The following C12orf50 variants were observed in gnomAD, a reference collection of about 807,000 sequenced individuals.
C12orf50 encodes the protein uncharacterized protein C12orf50.
A neutral mutation model predicts 61.6 loss-of-function variants in C12orf50; 35 were observed. That is an observed-to-expected ratio of 0.57 (90% CI 0.43 to 0.75). The LOEUF (loss-of-function observed/expected upper bound fraction) is 0.75, where lower values mean the gene tolerates loss of function less well. Ranked by LOEUF, C12orf50 falls within the 30% of genes least tolerant of loss-of-function variation. The probability of loss-of-function intolerance (pLI) is 0.00; values close to 1 mark genes in which losing one functional copy is unlikely to be tolerated. For synonymous variants in C12orf50, 178 were observed against 161.5 expected, an observed-to-expected ratio of 1.10 and a Z score of -0.77; for missense variants, 475 against 488.5, an observed-to-expected ratio of 0.97 and a Z score of 0.26.
intron 3 of C12orf50, among the ~76,000 whole-genome samples, chr12:88,000,286 C>A (rs947996764): frequency 3.9e-5 from 6 of 152,008 alleles, no homozygotes; most frequent in Admixed American, 6.5e-5. Flanking sequence ...AAATACTATT[C>A]TTTTCCCCAT....
intron 4 of C12orf50, among the ~76,000 whole-genome samples, 192 bp from the exon 5 acceptor site, chr12:87,996,838 A>G (rs7131735): frequency 6.6e-6 from 1 of 152,198 alleles, no homozygotes; most frequent in Non-Finnish European, 1.5e-5. Flanking sequence ...CAATGTCAAG[A>G]GAAAACAAAG....
chr12:87,986,127 C>A (rs1592646005), intron 10 of C12orf50, 74 bp from the exon 11 acceptor site: 3 of 1,481,826 alleles, frequency 2.0e-6, no homozygotes, highest in Admixed American at 1.7e-5. Flanking sequence ...TATTGCACTG[C>A]AAATACTTCA....
Position 87,983,184 on chromosome 12 carries a change from A to T in C12orf50, c.1138T>A (p.Ser380Thr). 1 of 1,594,432 alleles carries T rather than the reference A, an allele frequency of 6.3e-7. No individual in the cohort carries two copies. Among genetic ancestry groups the T allele is most frequent in the African/African-American group, 1.3e-5 (1 of 74,280 alleles). Residue 380 changes from serine to threonine, a missense_variant, in exon 12 of 13, where the codon TCA (serine) becomes ACA (threonine). Transcript: ENST00000298699. ...CAGGCTGAATCATTATATGATGTTGACGTATATTTGTCTGAGGGAAAAAAA... is the reference window on the plus strand; with the variant it reads ...CAGGCTGAATCATTATATGATGTTGTCGTATATTTGTCTGAGGGAAAAAAA... Reference protein sequence around the residue: ...KPNLSPDKYTSTSYNDSAWRK... With the variant: ...KPNLSPDKYTTTSYNDSAWRK...
intron 6 of C12orf50, among the ~76,000 whole-genome samples, chr12:87,995,086 A>G (rs145647956): frequency 4.7e-4 from 72 of 152,296 alleles, no homozygotes; most frequent in African/African-American, 1.6e-3. Context: ...TTCACCATGA[A>G]CAATCAGATA....
chr12:88,020,334 A>G (rs2032468724), intron 3 of C12orf50, among the ~76,000 whole-genome samples: 1 of 152,234 alleles, frequency 6.6e-6, no homozygotes, highest in South Asian at 2.1e-4. Context: ...GGCTCAAAAT[A>G]AAGAAATTGT....
intron 8 of C12orf50, among the ~76,000 whole-genome samples, chr12:87,988,676 T>C (rs2030966498): frequency 6.6e-6 from 1 of 152,136 alleles, no homozygotes; most frequent in Admixed American, 6.6e-5. Context: ...AGATATTTAA[T>C]GGTAGAGATG....
chr12:87,996,663 T>C lies in C12orf50; in HGVS notation c.290-17A>G, dbSNP rs905200557. On this transcript the variant is annotated splice_polypyrimidine_tract_variant and intron_variant, in intron 4 of 12. Coordinates refer to ENST00000298699, the MANE Select transcript of C12orf50 (RefSeq NM_152589.3). Reference sequence around the variant, plus strand: ...TAGAAGCATCTATAGGATATAGATTTTTTAAATTAAATTGTCCCAAAGCCA... The same window carrying C: ...TAGAAGCATCTATAGGATATAGATTCTTTAAATTAAATTGTCCCAAAGCCA... 7.1e-6 allele frequency: 11 copies of C among 1,559,766 alleles called. No individual in the cohort carries two copies. The African/African-American group carries it at 1.4e-4, about 19-fold the overall frequency.
intron 3 of C12orf50, among the ~76,000 whole-genome samples, chr12:88,020,822 C>T (rs1407839997): frequency 6.7e-6 from 1 of 149,958 alleles, no homozygotes; most frequent in East Asian, 1.9e-4. Context: ...AAAAAAAATA[C>T]ATCATACCAA....
chr12:88,018,402 A>T (rs2032390131), intron 3 of C12orf50, among the ~76,000 whole-genome samples: 1 of 152,260 alleles, frequency 6.6e-6, no homozygotes, highest in Non-Finnish European at 1.5e-5. Flanking sequence ...GGGCGTGTGG[A>T]AATGCCTGGA....
At chr12:88,009,158 A>G (rs1225680555) in intron 3 of C12orf50, among the ~76,000 whole-genome samples, 1 of 152,114 alleles carries the variant, frequency 6.6e-6, no homozygotes, top group Non-Finnish European at 1.5e-5. Flanking sequence ...TCTCTAGGAT[A>G]TATGCTTCAA....
chr12:88,023,666 CAAA>C (rs61438235), intron 3 of C12orf50, among the ~76,000 whole-genome samples: 4 of 86,006 alleles, frequency 4.7e-5, no homozygotes, highest in Non-Finnish European at 7.9e-5. Flanking sequence ...GACTCCATCT[CAAA>C]AAAAAAAAAA....
At chr12:87,996,922 C>T (rs1396806300) in intron 4 of C12orf50, among the ~76,000 whole-genome samples, 7 of 152,086 alleles carry the variant, frequency 4.6e-5, no homozygotes, top group South Asian at 2.1e-4. Flanking sequence ...ATGTTTATTT[C>T]GAGGTTGATG....
At chr12:87,981,744 G>C (rs959162180) in intron 12 of C12orf50, among the ~76,000 whole-genome samples, 11 of 152,082 alleles carry the variant, frequency 7.2e-5, no homozygotes, top group Middle Eastern at 3.4e-3. Flanking sequence ...CCCACTTGAG[G>C]CTCACAGGAA....
At chr12:87,999,411 C>G (rs755522254) in intron 3 of C12orf50, among the ~76,000 whole-genome samples, 2 of 152,126 alleles carry the variant, frequency 1.3e-5, no homozygotes, top group Non-Finnish European at 2.9e-5. Flanking sequence ...AGCAACAGAG[C>G]AAGACTCTGT....
chr12:88,005,955 C>T (rs1427832460), intron 3 of C12orf50, among the ~76,000 whole-genome samples: 3 of 126,724 alleles, frequency 2.4e-5, no homozygotes, highest in African/African-American at 3.1e-5. Context: ...CTTGCTCAGT[C>T]GCCCAGGCTG....
intron 12 of C12orf50, among the ~76,000 whole-genome samples, chr12:87,980,924 A>G (rs2136391660): frequency 6.6e-6 from 1 of 152,268 alleles, no homozygotes; most frequent in African/African-American, 2.4e-5. Context: ...CCACTGGGAA[A>G]TGTTGAAAAT....
At chr12:88,008,222 C>G (rs987264629) in intron 3 of C12orf50, among the ~76,000 whole-genome samples, 3 of 152,182 alleles carry the variant, frequency 2.0e-5, no homozygotes, top group Non-Finnish European at 4.4e-5. Context: ...CTCCAACCCT[C>G]TACCCTCTGG....
chr12:88,009,220 A>C (rs757806395), intron 3 of C12orf50, among the ~76,000 whole-genome samples: 7 of 152,120 alleles, frequency 4.6e-5, no homozygotes, highest in South Asian at 2.1e-4. Context: ...GGACAAGATA[A>C]TGTTAGGCTG....
Position 87,998,149 on chromosome 12 carries a change from G to A in C12orf50, c.175C>T (p.Gln59Ter). The change falls in exon 4 of 13, where the codon CAG becomes TAG. Residue 59 changes from glutamine (Q) to a stop codon, truncating the protein, a stop_gained. Transcript: ENST00000298699. LOFTEE classifies it high-confidence loss of function. ...TTCAGAGGTTCTTGACTCTGGGACTGGAGTGGAATTCCTTCCTGAATTTCT... is the reference window on the plus strand; with the variant it reads ...TTCAGAGGTTCTTGACTCTGGGACTAGAGTGGAATTCCTTCCTGAATTTCT... ...QKEIQEGIPL[Q>*]SQSQEPLKPQ... 1 of 1,612,414 alleles carries A rather than the reference G, an allele frequency of 6.2e-7. No homozygotes were observed. The highest frequency in any genetic ancestry group is 8.5e-7 in the Non-Finnish European group (1 of 1,178,848).
Sources: allele counts gnomAD v4.1 joint callset (sites outside exome capture counted in the v4.1 genomes callset), GRCh38; gene constraint gnomAD v4.1.1; transcripts MANE v1.5; gene names NCBI Gene and HGNC (gene_info 2026-07-23, HGNC 2026-07-21).